The following SHPRH variants were observed in gnomAD, a reference collection of about 807,000 sequenced individuals.
The protein encoded by SHPRH is SNF2 histone linker PHD RING helicase.
A neutral mutation model predicts 202.5 loss-of-function variants in SHPRH; 106 were observed. The ratio of observed to expected loss-of-function variants is 0.52; its 90% confidence interval spans 0.45 to 0.62. The LOEUF is 0.62. Among genes scored for constraint, SHPRH ranks in the 20% least tolerant of loss-of-function variants. The probability of loss-of-function intolerance (pLI) is 0.00; values close to 1 mark genes in which losing one functional copy is unlikely to be tolerated. For synonymous variants in SHPRH, 729 were observed against 686.0 expected (o/e 1.06, Z -0.98); for missense variants, 1,710 against 2,020.0 (o/e 0.85, Z 2.94).
intron 2 of SHPRH, among the ~76,000 whole-genome samples, chr6:145,872,871 A>T (rs2128692379): frequency 6.6e-6 from 1 of 152,352 alleles, no homozygotes. Flanking sequence ...GAATCAGGTC[A>T]TGTGCTTCGC....
intron 18 of SHPRH, among the ~76,000 whole-genome samples, chr6:145,923,334 T>G (rs548840242): frequency 6.7e-4 from 102 of 151,948 alleles, no homozygotes; most frequent in African/African-American, 2.4e-3. Context: ...ACGAGGCACT[T>G]TGCCAAGCAC....
At position 145,934,349 on chromosome 6, in the gene SHPRH, C is replaced by T. The variant is rs184226145; in HGVS notation, c.2990+558G>A. ...GGCTTGGTGGCACATGTCTGTAATC[C>T]CAGGTACTTGGAGGGGTGGGGCAGG... On this transcript the variant is annotated intron_variant, in intron 13 of 29. Coordinates refer to ENST00000275233, the MANE Select transcript of SHPRH (RefSeq NM_001042683.3). Among the ~76,000 whole-genome samples the T allele has an allele frequency of 4.1e-4, 63 of 151,868 alleles. 1 individual carries two copies. In the East Asian group the frequency reaches 8.5e-3, roughly 21 times the overall value.
Position 145,898,908 on chromosome 6 carries a change from C to T in SHPRH, c.4516-3931G>A, listed in dbSNP as rs552554168. On this transcript the variant is annotated intron_variant, in intron 25 of 29. Coordinates refer to ENST00000275233, the MANE Select transcript of SHPRH (RefSeq NM_001042683.3). ...CTCACTGCAACCCTGAACTCCTGGG[C>T]GCAAGTGATCCTCCCACCTCAGTCT... Among the ~76,000 whole-genome samples the T allele has an allele frequency of 1.6e-4, 24 of 152,162 alleles. No homozygotes were observed. In the South Asian group the frequency reaches 3.5e-3, roughly 22 times the overall value.
At chr6:145,924,245 TAGAA>T (rs949632999) in intron 17 of SHPRH, among the ~76,000 whole-genome samples, 2 of 151,776 alleles carry the variant, frequency 1.3e-5, no homozygotes, top group African/African-American at 4.8e-5. Context: ...ATGAATGAAT[TAGAA>T]AGACAAAAAT....
intron 14 of SHPRH, among the ~76,000 whole-genome samples, chr6:145,931,599 G>A (rs1250531675): frequency 1.3e-5 from 2 of 152,084 alleles, no homozygotes; most frequent in African/African-American, 4.8e-5. Context: ...GCTTCCCAAA[G>A]TACTGGGATT....
intron 25 of SHPRH, chr6:145,909,472 A>T (rs548293332): frequency 2.0e-5 from 3 of 152,260 alleles, no homozygotes; most frequent in African/African-American, 7.2e-5. Flanking sequence ...TTACTCAAAT[A>T]ACAGTGAAAA....
chr6:145,881,812 G>A (rs1029237714), downstream of SHPRH, among the ~76,000 whole-genome samples: 1 of 152,018 alleles, frequency 6.6e-6, no homozygotes, highest in African/African-American at 2.4e-5. Context: ...AAGAAAGGAA[G>A]GGAAAAAAAG....
intron 11 of SHPRH, among the ~76,000 whole-genome samples, chr6:145,939,050 T>C (rs574937345): frequency 3.3e-5 from 5 of 152,080 alleles, no homozygotes; most frequent in Non-Finnish European, 5.9e-5. Flanking sequence ...CAAATGTCAA[T>C]ATGGCCAATG....
At chr6:145,887,960 A>T in intron 29 of SHPRH, 60 bp downstream of exon 29, 1 of 1,305,028 alleles carries the variant, frequency 7.7e-7, no homozygotes, top group Non-Finnish European at 1.1e-6. Context: ...GAAGTTCTAA[A>T]GATACAAACT....
chr6:145,867,146 G>A (rs1365310579), intron 2 of SHPRH, among the ~76,000 whole-genome samples: 2 of 152,058 alleles, frequency 1.3e-5, no homozygotes, highest in Non-Finnish European at 2.9e-5. Context: ...AACTGTTTCA[G>A]TATTTTTAGT....
chr6:145,900,628 G>A lies in SHPRH; in HGVS notation c.4516-5651C>T, dbSNP rs141894138. On this transcript the variant is annotated intron_variant, in intron 25 of 29. Transcript: ENST00000275233. ...ATGTATTGTATACCATTGTCCCTTGGTATTCATGGGGAGTTCTAGGATCCC... is the reference window on the plus strand; with the variant it reads ...ATGTATTGTATACCATTGTCCCTTGATATTCATGGGGAGTTCTAGGATCCC... Among the ~76,000 whole-genome samples, 487 of 152,072 alleles carry A rather than the reference G, an allele frequency of 3.2e-3. 7 individuals carry two copies. The highest frequency in any genetic ancestry group is 9.6e-3 in the Admixed American group (147 of 15,264).
chr6:145,923,515 A>G, intron 18 of SHPRH, 128 bp downstream of exon 18: 2 of 1,131,202 alleles, frequency 1.8e-6, no homozygotes, highest in Non-Finnish European at 2.4e-6. Context: ...AGAAGTATGA[A>G]TGTGTCTGTA....
intron 4 of SHPRH, among the ~76,000 whole-genome samples, chr6:145,949,807 T>C (rs1281307701): frequency 6.6e-6 from 1 of 152,102 alleles, no homozygotes; most frequent in Non-Finnish European, 1.5e-5. Flanking sequence ...GATGACATTT[T>C]ATTACTGTAA....
rs73782404 is a variant in SHPRH, at chr6:145,939,569, T to C, written c.2569+1154A>G. On this transcript the variant is annotated intron_variant, in intron 11 of 29. Coordinates refer to ENST00000275233, the MANE Select transcript of SHPRH (RefSeq NM_001042683.3). ...AGAAAAAGTAACTCTGATAGTCATG[T>C]ACTCTTTTCTGTACCCTCTCAGCTA... Among the ~76,000 whole-genome samples, 87 of 152,268 alleles carry C rather than the reference T, an allele frequency of 5.7e-4. 1 individual carries two copies. The highest frequency in any genetic ancestry group is 2.0e-3 in the African/African-American group (85 of 41,560).
rs529423870 is a variant in SHPRH at position 145,949,325 on chromosome 6, C to T, written c.982+939G>A. 4.6e-5 allele frequency among the ~76,000 whole-genome samples: 7 copies of T among 152,086 alleles called. No homozygotes were observed. In the South Asian group the frequency reaches 1.5e-3, roughly 32 times the overall value. On this transcript the variant is annotated intron_variant, in intron 4 of 29. Coordinates refer to ENST00000275233, the MANE Select transcript of SHPRH (RefSeq NM_001042683.3). ...GAAATCAACTTAAGTGCCCATCAACCAATGAGTGGATAAAGAAAATGTGTG... is the reference window on the plus strand; with the variant it reads ...GAAATCAACTTAAGTGCCCATCAACTAATGAGTGGATAAAGAAAATGTGTG...
In SHPRH at chr6:145,946,285, C is replaced by G. The variant is rs753192556; in HGVS notation, c.1269G>C (p.Lys423Asn). 1 of 1,608,798 alleles carries G rather than the reference C, an allele frequency of 6.2e-7. No homozygotes were observed. Among genetic ancestry groups the G allele is most frequent in the Admixed American group, 1.7e-5 (1 of 59,386 alleles). ...PSHYFGGKLK[K>N]TEIQNIEFEP... is the part of the protein sequence containing the mutation. The stretch of plus-strand genomic sequence containing the variant: ...CAAATTCGATATTCTGGATTTCTGT[C>G]TTTTTCAGTTTTCCTCCAAAATAAT... The change falls in exon 7 of 30, where the codon AAG becomes AAC. Residue 423 changes from lysine to asparagine, a missense_variant. Coordinates refer to ENST00000275233, the MANE Select transcript of SHPRH (RefSeq NM_001042683.3).
Position 145,888,069 on chromosome 6 carries a change from C to T in SHPRH, c.4906G>A (p.Ala1636Thr). 1 of 1,612,786 alleles carries T rather than the reference C, an allele frequency of 6.2e-7. No individual in the cohort carries two copies. The highest frequency in any genetic ancestry group is 8.5e-7 in the Non-Finnish European group (1 of 1,179,098). Reference protein sequence around the residue: ...PTIVHRFLIKATIEERMQAML... With the variant: ...PTIVHRFLIKTTIEERMQAML... The stretch of plus-strand genomic sequence containing the variant: ...GCCTGCATTCTTTCTTCTATTGTTG[C>T]TTTAATTAAGAATCTGTGTACAATA... Residue 1636 changes from alanine to threonine, a missense_variant, in exon 29 of 30, where the codon GCA (alanine) becomes ACA (threonine). By Grantham distance (58) the Ala-to-Thr change is moderately conservative (BLOSUM62 0). Coordinates refer to ENST00000275233, the MANE Select transcript of SHPRH (RefSeq NM_001042683.3).
downstream of SHPRH, among the ~76,000 whole-genome samples, chr6:145,864,084 G>A (rs117103398): frequency 2.0e-5 from 3 of 152,240 alleles, no homozygotes; most frequent in Middle Eastern, 3.4e-3. Flanking sequence ...TTCTTTATGT[G>A]AGTGCTTTAT....
intron 8 of SHPRH, among the ~76,000 whole-genome samples, chr6:145,944,408 T>C (rs1162581735): frequency 3.3e-5 from 5 of 152,124 alleles, no homozygotes; most frequent in African/African-American, 7.2e-5. Context: ...AATGATGCTA[T>C]GGGAATACCT....
Sources: gnomAD v4.1 joint callset for allele counts (sites outside exome capture counted in the v4.1 genomes callset) on GRCh38, gnomAD v4.1.1 for gene constraint, MANE v1.5 for transcripts, NCBI Gene and HGNC (gene_info 2026-07-23, HGNC 2026-07-21) for gene names.